The following HDLBP variants were observed in gnomAD, a reference collection of about 807,000 sequenced individuals.
HDLBP encodes the protein high density lipoprotein binding protein.
A neutral mutation model predicts 137.3 loss-of-function variants in HDLBP; 30 were observed. The observed-to-expected ratio is 0.22, with a 90% confidence interval of 0.16 to 0.30. The LOEUF is 0.30. Among genes scored for constraint, HDLBP ranks in the 10% least tolerant of loss-of-function variants. The pLI, the probability that HDLBP is intolerant of heterozygous loss-of-function variation, is 1.00. For missense variants in HDLBP, 1,119 were observed against 1,667.3 expected (o/e 0.67, Z 5.73); for synonymous variants, 606 against 596.0 (o/e 1.02, Z -0.24).
intron 1 of HDLBP, among the ~76,000 whole-genome samples, chr2:241,281,722 A>C (rs2074615963): frequency 6.6e-6 from 1 of 152,262 alleles, no homozygotes; most frequent in South Asian, 2.1e-4. Flanking sequence ...ATTTAGTACA[A>C]GAAATACTAT....
chr2:241,301,188 C>A (rs2075386733), intron 1 of HDLBP, among the ~76,000 whole-genome samples: 1 of 149,244 alleles, frequency 6.7e-6, no homozygotes. Context: ...GGGGCTTCAT[C>A]GTGTTAGCCA....
At chr2:241,284,663 A>T (rs922751573) in intron 1 of HDLBP, among the ~76,000 whole-genome samples, 3 of 152,248 alleles carry the variant, frequency 2.0e-5, no homozygotes, top group African/African-American at 7.2e-5. Flanking sequence ...ATCAAACAAC[A>T]TCACGTGCTA....
At position 241,230,221 on chromosome 2, in the gene HDLBP, T is replaced by A. The variant is rs1283726369; in HGVS notation, c.3523A>T (p.Thr1175Ser). The change falls in exon 26 of 28, where the codon ACT (threonine) becomes TCT (serine). Residue 1175 changes from threonine (T) to serine (S), a missense_variant. Thr to Ser is a moderately conservative substitution (Grantham distance 58). Coordinates refer to ENST00000310931, the MANE Select transcript of HDLBP (RefSeq NM_005336.6). This position sits in a 1 kb window ranked among gnomAD's most constrained non-coding sequence, Gnocchi z 5.0. The part of the protein sequence containing the change: ...QSGAPDPNCV[T>S]VTGLPENVEE... ...ACATTCTCTGGGAGCCCCGTCACAG[T>A]GACGCAGTTGGGGTCTGGGGCTCCG... 6.2e-7 allele frequency: 1 copy of A among 1,612,820 alleles called. No homozygotes were observed. The highest frequency in any genetic ancestry group is 1.3e-5 in the African/African-American group (1 of 74,932).
At chr2:241,260,560 T>G (rs1331003363) in intron 5 of HDLBP, among the ~76,000 whole-genome samples, 1 of 152,216 alleles carries the variant, frequency 6.6e-6, no homozygotes. Flanking sequence ...TATCAACTAA[T>G]GTATGAGCAG....
chr2:241,293,161 A>G (rs886081627), intron 1 of HDLBP, among the ~76,000 whole-genome samples: 3 of 135,162 alleles, frequency 2.2e-5, no homozygotes, highest in East Asian at 2.2e-4. Context: ...GTCAAGATGT[A>G]AAGTGAAAAC....
chr2:241,242,357 G>A (rs959520724), intron 17 of HDLBP, 103 bp downstream of exon 17: 15 of 981,512 alleles, frequency 1.5e-5, no homozygotes, highest in African/African-American at 1.3e-4. Context: ...TTTCTGACCC[G>A]CCACAAAGGA....
intron 1 of HDLBP, among the ~76,000 whole-genome samples, chr2:241,299,272 G>A (rs1000725617): frequency 6.6e-6 from 1 of 151,966 alleles, no homozygotes; most frequent in Admixed American, 6.5e-5. Context: ...TGTAATCCCA[G>A]CACTTTGGGA....
chr2:241,314,694 T>A (rs944724056), intron 1 of HDLBP, among the ~76,000 whole-genome samples: 1 of 152,100 alleles, frequency 6.6e-6, no homozygotes, highest in Non-Finnish European at 1.5e-5. Flanking sequence ...ATTTTTTAAG[T>A]CGAATGGAGA....
At chr2:241,250,924 G>C (rs1173916280) in intron 11 of HDLBP, 2 of 152,038 alleles carry the variant, frequency 1.3e-5, no homozygotes, top group East Asian at 3.9e-4. Flanking sequence ...CAATTTCTCG[G>C]GGGCAGAAAC....
intron 5 of HDLBP, among the ~76,000 whole-genome samples, chr2:241,261,194 CA>C (rs5839776): frequency 8.3e-4 from 89 of 106,640 alleles, no homozygotes; most frequent in Non-Finnish European, 1.3e-3. Flanking sequence ...GATCCTGTCT[CA>C]AAAAAAAAAA....
intron 1 of HDLBP, among the ~76,000 whole-genome samples, chr2:241,298,327 T>C (rs1326077025): frequency 2.0e-5 from 3 of 151,798 alleles, no homozygotes; most frequent in East Asian, 3.9e-4. Flanking sequence ...GATGGCGCCA[T>C]TGCACTCCTG....
At chr2:241,294,723 T>G (rs2075118280) in intron 1 of HDLBP, among the ~76,000 whole-genome samples, 1 of 152,130 alleles carries the variant, frequency 6.6e-6, no homozygotes, top group Non-Finnish European at 1.5e-5. Context: ...ATCACTAAAT[T>G]TAGAGAACAA....
chr2:241,262,941 T>A lies in HDLBP; in HGVS notation c.235-15A>T, dbSNP rs1174035246. ...ACATGGAACACCTGCTCAAAAAAGA[T>A]CAAAAAAGGAAAGGTTAAGAGATTA... On this transcript the variant is annotated splice_polypyrimidine_tract_variant and intron_variant, in intron 4 of 27. Transcript: ENST00000310931. 3.1e-6 allele frequency: 5 copies of A among 1,593,800 alleles called. No individual in the cohort carries two copies. The highest frequency in any genetic ancestry group is 3.4e-5 in the Admixed American group (2 of 59,120).
At chr2:241,269,708 TTAAAG>T (rs1421896565) in intron 1 of HDLBP, 1 of 152,170 alleles carries the variant, frequency 6.6e-6, no homozygotes, top group Non-Finnish European at 1.5e-5. Flanking sequence ...GTTTTAAAGA[TTAAAG>T]TAAGAAAATT....
chr2:241,283,124 T>C (rs776778769), intron 1 of HDLBP, among the ~76,000 whole-genome samples: 2 of 152,132 alleles, frequency 1.3e-5, no homozygotes, highest in Non-Finnish European at 2.9e-5. Context: ...AGGAGAAAGT[T>C]TGAGTGGTCT....
Position 241,272,352 on chromosome 2 carries a change from G to T in HDLBP, c.-102-3811C>A. 2.0e-6 allele frequency: 2 copies of T among 984,538 alleles called. No individual in the cohort carries two copies. The allele number at this position is 984,538 out of a possible 1,614,324, so 61.0% of individuals were successfully genotyped here. ...GGAGGGGAGGGCCGGCCCCGCCAAC[G>T]TCAGCGACCTGGGCTCAGGTCGGCC... On this transcript the variant is annotated intron_variant, in intron 1 of 27. Coordinates refer to ENST00000310931, the MANE Select transcript of HDLBP (RefSeq NM_005336.6). The surrounding 1 kb of genome is among the most constrained non-coding windows in gnomAD (Gnocchi z 5.6).
intron 2 of HDLBP, chr2:241,267,428 A>C: frequency 2.8e-6 from 2 of 706,212 alleles, no homozygotes; most frequent in Admixed American, 4.6e-5. Context: ...CAGGGGCCAC[A>C]GAGACACAGT....
intron 1 of HDLBP, among the ~76,000 whole-genome samples, chr2:241,283,106 C>G (rs796859709): frequency 6.6e-6 from 1 of 152,178 alleles, no homozygotes; most frequent in Admixed American, 6.5e-5. Context: ...ACAGCCTTAT[C>G]GCTGATAAGG....
chr2:241,291,802 C>T (rs964561959), intron 1 of HDLBP, among the ~76,000 whole-genome samples: 1 of 152,062 alleles, frequency 6.6e-6, no homozygotes, highest in African/African-American at 2.4e-5. Context: ...GGGACGTAAC[C>T]ACAATCACAA....
Sources: allele counts gnomAD v4.1 joint callset (sites outside exome capture counted in the v4.1 genomes callset), GRCh38; gene constraint gnomAD v4.1.1; non-coding constraint Gnocchi (gnomAD v3.1); transcripts MANE v1.5; gene names NCBI Gene and HGNC (gene_info 2026-07-23, HGNC 2026-07-21).